The following CUL5 variants were observed in gnomAD, a reference collection of about 807,000 sequenced individuals.
CUL5 encodes cullin-5.
CUL5 carries 26 observed loss-of-function variants against 108.8 expected under a neutral mutation model. The ratio of observed to expected loss-of-function variants is 0.24; its 90% confidence interval spans 0.18 to 0.33. CUL5 has a LOEUF of 0.33. Ranked by LOEUF, CUL5 falls within the 10% of genes least tolerant of loss-of-function variation. The pLI is 1.00. For synonymous variants in CUL5, 334 were observed against 298.0 expected (o/e 1.12, Z -1.25); for missense variants, 524 against 909.2 (o/e 0.58, Z 5.45).
intron 11 of CUL5, among the ~76,000 whole-genome samples, chr11:108,081,634 C>T (rs1329950809): frequency 6.6e-6 from 1 of 152,098 alleles, no homozygotes; most frequent in Non-Finnish European, 1.5e-5. Context: ...CACCTGTAGT[C>T]CCAGCTACTC....
At chr11:108,023,084 A>C (rs530982285) in intron 1 of CUL5, among the ~76,000 whole-genome samples, 9 of 152,240 alleles carry the variant, frequency 5.9e-5, no homozygotes, top group African/African-American at 1.9e-4. Context: ...CCCCACCTCT[A>C]CTAAAAAAAA....
chr11:108,033,205 C>T (rs369833521), intron 1 of CUL5, among the ~76,000 whole-genome samples: 49 of 152,166 alleles, frequency 3.2e-4, no homozygotes, highest in South Asian at 1.2e-3. Flanking sequence ...ATTTCTCTCC[C>T]GGCATCAATG....
chr11:108,049,132 G>T (rs1555016333), intron 3 of CUL5, among the ~76,000 whole-genome samples: 2 of 152,026 alleles, frequency 1.3e-5, no homozygotes, highest in Non-Finnish European at 2.9e-5. Context: ...CTATACCTAT[G>T]AACAGTCACT....
At chr11:108,031,239 G>T (rs1437654932) in intron 1 of CUL5, among the ~76,000 whole-genome samples, 3 of 151,788 alleles carry the variant, frequency 2.0e-5, no homozygotes, top group Admixed American at 2.0e-4. Flanking sequence ...GTGGTGGTGC[G>T]TGTCTAATCT....
At chr11:108,046,135 TTA>T in intron 2 of CUL5, 133 bp from the exon 3 acceptor site, 1 of 514,254 alleles carries the variant, frequency 1.9e-6, no homozygotes, top group Non-Finnish European at 3.4e-6. Flanking sequence ...CGTACTTGGT[TTA>T]TATGAGTGAA....
chr11:108,026,186 T>C (rs566165550), intron 1 of CUL5, among the ~76,000 whole-genome samples: 15 of 152,268 alleles, frequency 9.9e-5, no homozygotes, highest in African/African-American at 3.6e-4. Context: ...TTGGGAAAAG[T>C]GTACAACCCT....
At position 108,009,092 on chromosome 11, in the gene CUL5, C is replaced by T. The variant is rs1378540500; in HGVS notation, c.-257C>T. On this transcript the variant is annotated 5_prime_UTR_variant, in exon 1 of 19. Coordinates refer to ENST00000393094, the MANE Select transcript of CUL5 (RefSeq NM_003478.6). ...CTCCCGTTACCTTCTCAGCATTCGCCGTTCCGGTCTTCCTGAGCGCGTGCA... is the reference window on the plus strand; with the variant it reads ...CTCCCGTTACCTTCTCAGCATTCGCTGTTCCGGTCTTCCTGAGCGCGTGCA... 5.4e-6 allele frequency: 3 copies of T among 551,510 alleles called. No homozygotes were observed. Among genetic ancestry groups the T allele is most frequent in the African/African-American group, 1.9e-5 (1 of 51,822 alleles). The allele number at this position is 551,510 out of a possible 1,614,324, so 34.2% of individuals were successfully genotyped here.
Position 108,046,369 on chromosome 11 carries a change from A to G in CUL5, c.234A>G (p.Ala78=), listed in dbSNP as rs938960565. The change falls in exon 3 of 19, where the codon GCA becomes GCG. Residue 78 remains alanine, a splice_region_variant and synonymous_variant. Coordinates refer to ENST00000393094, the MANE Select transcript of CUL5 (RefSeq NM_003478.6). ...DILEFIKQAQ[A]RVLSHQDDTA... ...TTGAGTTTATTAAGCAAGCACAGGC[A>G]GTAAGTTCTACATGCTTATTTTAGA... is the stretch of plus-strand genomic sequence containing the variant. The G allele has an allele frequency of 6.4e-7, 1 of 1,561,746 alleles. No individual in the cohort carries two copies. The highest frequency in any genetic ancestry group is 1.1e-5 in the South Asian group (1 of 88,890).
intron 2 of CUL5, among the ~76,000 whole-genome samples, chr11:108,037,013 A>AC (rs1232518568): frequency 6.6e-6 from 1 of 151,572 alleles, no homozygotes; most frequent in Admixed American, 6.6e-5. Flanking sequence ...TCTTGCTATT[A>AC]TTTTTTCCTA....
intron 8 of CUL5, among the ~76,000 whole-genome samples, chr11:108,071,811 C>T (rs1196955218): frequency 6.6e-6 from 1 of 152,190 alleles, no homozygotes; most frequent in Non-Finnish European, 1.5e-5. Context: ...ACCTTGGCCT[C>T]CCAAAGTGCT....
intron 13 of CUL5, among the ~76,000 whole-genome samples, chr11:108,090,358 G>C (rs188648551): frequency 7.3e-5 from 11 of 151,646 alleles, no homozygotes; most frequent in Non-Finnish European, 1.2e-4. Context: ...GCGTGGTGGT[G>C]GGGGGCCTGT....
intron 7 of CUL5, among the ~76,000 whole-genome samples, chr11:108,059,113 A>G (rs1410057269): frequency 6.6e-6 from 1 of 152,198 alleles, no homozygotes; most frequent in Non-Finnish European, 1.5e-5. Context: ...CCTGGCCTTC[A>G]GCAGTCTTCC....
Position 108,054,812 on chromosome 11 carries a change from A to G in CUL5, c.699+20A>G. ...AAATATGTAAGTTAGAACTTAGTAT[A>G]TGTGATAATTTGAGCAATTCCCTTG... On this transcript the variant is annotated intron_variant, in intron 6 of 18. Coordinates refer to ENST00000393094, the MANE Select transcript of CUL5 (RefSeq NM_003478.6). 2 of 1,604,740 alleles carry G rather than the reference A, an allele frequency of 1.2e-6. No homozygotes were observed. Among genetic ancestry groups the G allele is most frequent in the Non-Finnish European group, 8.5e-7 (1 of 1,175,738 alleles).
intron 2 of CUL5, among the ~76,000 whole-genome samples, chr11:108,040,001 T>G (rs1166619943): frequency 6.6e-6 from 1 of 152,228 alleles, no homozygotes; most frequent in African/African-American, 2.4e-5. Flanking sequence ...TTTCTTGTTC[T>G]CTTCTACACA....
At chr11:108,088,812 G>T (rs947723804) in intron 12 of CUL5, among the ~76,000 whole-genome samples, 153 bp downstream of exon 12, 1 of 151,598 alleles carries the variant, frequency 6.6e-6, no homozygotes, top group Non-Finnish European at 1.5e-5. Context: ...CCTCTCGGGG[G>T]GTTATTTTTC....
intron 1 of CUL5, among the ~76,000 whole-genome samples, chr11:108,014,321 A>G (rs1213247074): frequency 6.6e-6 from 1 of 152,214 alleles, no homozygotes; most frequent in Non-Finnish European, 1.5e-5. Context: ...GATATTCTAT[A>G]TGAATAGTGT....
At chr11:108,032,335 C>A (rs1042472391) in intron 1 of CUL5, among the ~76,000 whole-genome samples, 1 of 152,002 alleles carries the variant, frequency 6.6e-6, no homozygotes, top group African/African-American at 2.4e-5. Context: ...AACAAGACCC[C>A]ATCTCTACAA....
Position 108,072,313 on chromosome 11 carries a change from A to C in CUL5, c.875-19A>C. On this transcript the variant is annotated intron_variant, in intron 8 of 18. Transcript: ENST00000393094. ...TCTAGTAAATGAAATGATTACATGA[A>C]TGTGTTCTCTCCTTCCAGAATTACA... 2.5e-6 allele frequency: 4 copies of C among 1,573,880 alleles called. No homozygotes were observed. The highest frequency in any genetic ancestry group is 3.5e-6 in the Non-Finnish European group (4 of 1,156,028).
At chr11:108,044,352 C>CA (rs530036252) in intron 2 of CUL5, among the ~76,000 whole-genome samples, 2,676 of 151,582 alleles carry the variant, frequency 0.018, 25 homozygotes, top group Middle Eastern at 0.027. Flanking sequence ...CGTGTCTCTA[C>CA]AAAAAATAAA....
Sources: gnomAD v4.1 joint callset for allele counts (sites outside exome capture counted in the v4.1 genomes callset) on GRCh38, gnomAD v4.1.1 for gene constraint, MANE v1.5 for transcripts, NCBI Gene and HGNC (gene_info 2026-07-23, HGNC 2026-07-21) for gene names.